Variants in FBXW8 observed in about 807,000 individuals in gnomAD.
The protein encoded by FBXW8 is F-box/WD repeat-containing protein 8.
FBXW8 carries 57 observed loss-of-function variants against 65.3 expected under a neutral mutation model. That is an observed-to-expected ratio of 0.87 (90% confidence interval 0.71 to 1.09). The LOEUF is 1.09. Among genes scored for constraint, FBXW8 ranks in the 50% least tolerant of loss-of-function variants. The pLI, the probability that FBXW8 is intolerant of heterozygous loss-of-function variation, is 0.00. For missense variants in FBXW8, 777 were observed against 814.8 expected (o/e 0.95, Z 0.57); for synonymous variants, 308 against 330.2 (o/e 0.93, Z 0.73).
chr12:116,951,165 C>T (rs1480468170), intron 4 of FBXW8: 1 of 152,212 alleles, frequency 6.6e-6, no homozygotes, highest in Non-Finnish European at 1.5e-5. Flanking sequence ...ACGATGGCCA[C>T]GTTCTGTGGA....
Position 116,985,163 on chromosome 12 carries a change from A to G in FBXW8, c.836-43A>G, listed in dbSNP as rs1885578636. 2.7e-6 allele frequency: 4 copies of G among 1,507,012 alleles called. No homozygotes were observed. In the Admixed American group the frequency reaches 9.2e-5, roughly 35 times the overall value. The allele number at this position is 1,507,012 out of a possible 1,614,324, so 93.4% of individuals were successfully genotyped here. ...GTTTTTAAAATAATTGAACATATTA[A>G]GTAAATTTAAAATTGTTACCTGCAT... On this transcript the variant is annotated intron_variant, in intron 5 of 10. Coordinates refer to ENST00000652555, the MANE Select transcript of FBXW8 (RefSeq NM_153348.3).
chr12:117,016,518 A>G (rs1953949839), intron 8 of FBXW8, among the ~76,000 whole-genome samples: 1 of 151,994 alleles, frequency 6.6e-6, no homozygotes, highest in Non-Finnish European at 1.5e-5. Context: ...CCAGGTACAA[A>G]TCTCTCATCA....
At chr12:116,949,371 G>T in intron 3 of FBXW8, 1 of 514,126 alleles carries the variant, frequency 1.9e-6, no homozygotes, top group South Asian at 2.3e-5. Flanking sequence ...CTGGAGGATG[G>T]GGCAATGTCT....
intron 3 of FBXW8, 90 bp downstream of exon 3, chr12:116,945,618 C>A: frequency 7.4e-7 from 1 of 1,344,608 alleles, no homozygotes; most frequent in Non-Finnish European, 1.0e-6. Context: ...AGATTAATTG[C>A]CAACAGCGAA....
intron 9 of FBXW8, 46 bp downstream of exon 9, chr12:117,024,366 G>A: frequency 1.2e-6 from 2 of 1,606,936 alleles, no homozygotes; most frequent in Non-Finnish European, 1.7e-6. Flanking sequence ...GTAGGAACAG[G>A]GAAGGCAGCA....
At chr12:116,953,640 G>A (rs991605498) in intron 4 of FBXW8, among the ~76,000 whole-genome samples, 32 of 151,952 alleles carry the variant, frequency 2.1e-4, no homozygotes, top group Admixed American at 2.1e-3. Context: ...GGGCATGGTG[G>A]CGAGTGCCTG....
In FBXW8 at chr12:117,031,000, C is replaced by T. The variant is rs951560071; in HGVS notation, c.*2828C>T. The T allele has an allele frequency of 1.3e-5, 2 of 152,212 alleles. No homozygotes were observed. Among genetic ancestry groups the T allele is most frequent in the African/African-American group, 2.4e-5 (1 of 41,448 alleles). The allele number at this position is 152,212 out of a possible 1,614,324, so 9.4% of individuals were successfully genotyped here. On this transcript the variant is annotated 3_prime_UTR_variant, in exon 11 of 11. Coordinates refer to ENST00000652555, the MANE Select transcript of FBXW8 (RefSeq NM_153348.3). ...CAGGGACGCCTCCATCCCCGGCTCC[C>T]CTAAAGGTAGAAGATACTCGAGCAT...
At chr12:117,011,801 C>T (rs1027137021) in intron 8 of FBXW8, among the ~76,000 whole-genome samples, 16 of 152,108 alleles carry the variant, frequency 1.1e-4, no homozygotes, top group African/African-American at 3.9e-4. Flanking sequence ...CAGTTAGGCT[C>T]ACCGGAAACC....
At chr12:116,931,415 T>C (rs1881761742) in intron 2 of FBXW8, among the ~76,000 whole-genome samples, 1 of 152,200 alleles carries the variant, frequency 6.6e-6, no homozygotes, top group Admixed American at 6.5e-5. Context: ...CCTGTATCTG[T>C]GAAAATGTCT....
rs995846807 is a variant in FBXW8 at position 116,910,976 on chromosome 12, C to T, written c.-62C>T. On this transcript the variant is annotated 5_prime_UTR_variant, in exon 1 of 11. Coordinates refer to ENST00000652555, the MANE Select transcript of FBXW8 (RefSeq NM_153348.3). ...CGGCCGCGGCGGACACTTCCCTGGG[C>T]GGGACTGTCTCGTGGCACCCGGTGG... The T allele has an allele frequency of 2.5e-5, 32 of 1,300,764 alleles. 1 individual carries two copies. In the African/African-American group the frequency reaches 3.3e-4, roughly 13 times the overall value. The allele number at this position is 1,300,764 out of a possible 1,614,324, so 80.6% of individuals were successfully genotyped here.
chr12:117,014,108 T>C (rs1018672496), intron 8 of FBXW8, among the ~76,000 whole-genome samples: 6 of 152,192 alleles, frequency 3.9e-5, no homozygotes, highest in Non-Finnish European at 7.3e-5. Context: ...CAAAGCTCTG[T>C]TCATGTTCTT....
intron 2 of FBXW8, among the ~76,000 whole-genome samples, chr12:116,937,343 T>G (rs1032244592): frequency 6.6e-6 from 1 of 151,906 alleles, no homozygotes; most frequent in Non-Finnish European, 1.5e-5. Flanking sequence ...ATGAGAACAT[T>G]AAGGAAGTGA....
At chr12:116,931,915 C>A (rs1881798854) in intron 2 of FBXW8, among the ~76,000 whole-genome samples, 1 of 151,802 alleles carries the variant, frequency 6.6e-6, no homozygotes, top group East Asian at 1.9e-4. Context: ...GAGTGTGCAT[C>A]CTTGTCTTAT....
intron 1 of FBXW8, among the ~76,000 whole-genome samples, chr12:116,926,053 G>A (rs949795742): frequency 6.6e-6 from 1 of 152,202 alleles, no homozygotes; most frequent in Non-Finnish European, 1.5e-5. Flanking sequence ...CAGGCCAGCT[G>A]AGTAGGCAAA....
At chr12:116,988,312 C>T (rs142239277) in intron 6 of FBXW8, among the ~76,000 whole-genome samples, 7 of 152,188 alleles carry the variant, frequency 4.6e-5, no homozygotes, top group Non-Finnish European at 1.0e-4. Context: ...ATTATATCCC[C>T]ACCAGCAGTA....
intron 1 of FBXW8, among the ~76,000 whole-genome samples, chr12:116,919,954 G>A (rs1880754283): frequency 6.6e-6 from 1 of 152,184 alleles, no homozygotes; most frequent in East Asian, 1.9e-4. Flanking sequence ...ACACAAATAA[G>A]TAAGCTCCCT....
At chr12:117,026,636 A>T (rs148169235) in intron 9 of FBXW8, among the ~76,000 whole-genome samples, 2 of 149,898 alleles carry the variant, frequency 1.3e-5, no homozygotes, top group East Asian at 3.9e-4. Context: ...TGCTCCTCCC[A>T]GCACTTAACT....
intron 8 of FBXW8, among the ~76,000 whole-genome samples, chr12:117,021,241 A>G (rs909947098): frequency 6.6e-6 from 1 of 152,196 alleles, no homozygotes; most frequent in African/African-American, 2.4e-5. Context: ...CATCTTACAC[A>G]TGTTTAAAAG....
chr12:116,943,060 A>G (rs1401115904), intron 2 of FBXW8, among the ~76,000 whole-genome samples: 4 of 152,042 alleles, frequency 2.6e-5, no homozygotes, highest in Non-Finnish European at 4.4e-5. Flanking sequence ...GATAATTTCT[A>G]TCTCTTTATC....
Sources: gnomAD v4.1 joint callset for allele counts (sites outside exome capture counted in the v4.1 genomes callset) on GRCh38, gnomAD v4.1.1 for gene constraint, MANE v1.5 for transcripts, NCBI Gene and HGNC (gene_info 2026-07-23, HGNC 2026-07-21) for gene names.